The following NEGR1 variants were observed in gnomAD, a reference collection of about 807,000 sequenced individuals.
The protein encoded by NEGR1 is neuronal growth regulator 1, also known as IgLON family member 4.
NEGR1 carries 10 observed loss-of-function variants against 40.9 expected under a neutral mutation model. That is an observed-to-expected ratio of 0.24 (90% confidence interval 0.15 to 0.42). The LOEUF is 0.42. Among genes scored for constraint, NEGR1 ranks in the 10% least tolerant of loss-of-function variants. The pLI is 1.00. For synonymous variants in NEGR1, 185 were observed against 166.8 expected (o/e 1.11, Z -0.84); for missense variants, 352 against 438.9 (o/e 0.80, Z 1.77).
chr1:71,896,194 T>A (rs945933443), intron 2 of NEGR1, among the ~76,000 whole-genome samples: 4 of 151,974 alleles, frequency 2.6e-5, no homozygotes, highest in Admixed American at 1.3e-4. Context: ...CATGCCACCA[T>A]GCCTGGCTAA....
At chr1:71,800,034 G>A (rs1232974378) in intron 2 of NEGR1, among the ~76,000 whole-genome samples, 3 of 151,956 alleles carry the variant, frequency 2.0e-5, no homozygotes, top group African/African-American at 7.3e-5. Flanking sequence ...TTTAATGATC[G>A]CCATTGTAAT....
At chr1:72,184,695 G>A (rs368584613) in intron 1 of NEGR1, among the ~76,000 whole-genome samples, 1 of 152,012 alleles carries the variant, frequency 6.6e-6, no homozygotes, top group East Asian at 1.9e-4. Context: ...ATCCTGAAAT[G>A]TTTGGTTGAT....
chr1:72,000,561 A>C (rs895385279), intron 1 of NEGR1, among the ~76,000 whole-genome samples: 2 of 152,142 alleles, frequency 1.3e-5, no homozygotes, highest in African/African-American at 4.8e-5. Flanking sequence ...TTTAAAACAC[A>C]TTTTTCTATT....
chr1:71,996,486 C>T (rs1227423159), intron 1 of NEGR1, among the ~76,000 whole-genome samples: 5 of 152,074 alleles, frequency 3.3e-5, no homozygotes, highest in South Asian at 2.1e-4. Flanking sequence ...TATGACTTTA[C>T]TTTCTATGCC....
chr1:71,763,042 A>G (rs2101702262), intron 3 of NEGR1, among the ~76,000 whole-genome samples: 1 of 152,248 alleles, frequency 6.6e-6, no homozygotes, highest in South Asian at 2.1e-4. Context: ...GGGGTTAGGC[A>G]TGGTGCATGG....
At chr1:71,751,218 A>G (rs1418549411) in intron 3 of NEGR1, among the ~76,000 whole-genome samples, 2 of 152,124 alleles carry the variant, frequency 1.3e-5, no homozygotes, top group African/African-American at 4.8e-5. Flanking sequence ...ACTCTTAGCT[A>G]AGATCAGTAA....
chr1:71,748,938 C>T (rs1277158357), intron 3 of NEGR1, among the ~76,000 whole-genome samples: 1 of 152,022 alleles, frequency 6.6e-6, no homozygotes, highest in Non-Finnish European at 1.5e-5. Context: ...AACATTTCCA[C>T]AAGGAGAATG....
Position 71,543,959 on chromosome 1 carries a change from C to CT in NEGR1, c.940+48857dup, listed in dbSNP as rs536357884. 7.0e-4 allele frequency among the ~76,000 whole-genome samples: 105 copies of CT among 150,858 alleles called. No individual in the cohort carries two copies. The South Asian group carries it at 0.016, about 23-fold the overall frequency. ...TTTTAGGCCTTATATGAAGTCAAAACTTTTTTTTTAACATTATTTGTTTGT... is the reference window on the plus strand; with the variant it reads ...TTTTAGGCCTTATATGAAGTCAAAACTTTTTTTTTTAACATTATTTGTTTGT... On this transcript the variant is annotated intron_variant, in intron 6 of 6. Transcript: ENST00000357731.
intron 1 of NEGR1, among the ~76,000 whole-genome samples, chr1:72,117,342 C>A (rs1649621337): frequency 6.6e-6 from 1 of 151,696 alleles, no homozygotes; most frequent in Non-Finnish European, 1.5e-5. Context: ...TAAGCACAAG[C>A]CTCACTGGCT....
chr1:72,017,749 T>G (rs1646724310), intron 1 of NEGR1, among the ~76,000 whole-genome samples: 2 of 152,064 alleles, frequency 1.3e-5, no homozygotes, highest in Non-Finnish European at 2.9e-5. Flanking sequence ...TGAAACTACT[T>G]TGGAAAGTTG....
At chr1:71,524,580 G>A (rs1346646524) in intron 6 of NEGR1, among the ~76,000 whole-genome samples, 1 of 151,590 alleles carries the variant, frequency 6.6e-6, no homozygotes, top group Non-Finnish European at 1.5e-5. Flanking sequence ...AATATTAGAT[G>A]TAGAAAAAAG....
At chr1:72,112,586 A>G in intron 1 of NEGR1, among the ~76,000 whole-genome samples, 1 of 151,692 alleles carries the variant, frequency 6.6e-6, no homozygotes, top group East Asian at 1.9e-4. Flanking sequence ...AGCCAAATCT[A>G]TGTTGACTGA....
Position 71,438,989 on chromosome 1 carries a change from G to T in NEGR1, c.941-31419C>A, listed in dbSNP as rs116634121. On this transcript the variant is annotated intron_variant, in intron 6 of 6. Transcript: ENST00000357731. ...AAGCATATTCTTTTTGCCCTATTCT[G>T]ATCAGTAAATAACTGTTCACTATTC... Among the ~76,000 whole-genome samples, 676 of 152,182 alleles carry T rather than the reference G, an allele frequency of 4.4e-3. 5 individuals carry two copies. Among genetic ancestry groups the T allele is most frequent in the African/African-American group, 0.016 (654 of 41,514 alleles).
At chr1:71,936,863 C>T (rs766717854) in intron 1 of NEGR1, among the ~76,000 whole-genome samples, 6 of 152,134 alleles carry the variant, frequency 3.9e-5, no homozygotes, top group Non-Finnish European at 5.9e-5. Flanking sequence ...GGTCATATAC[C>T]AGTGATTTTG....
intron 3 of NEGR1, among the ~76,000 whole-genome samples, chr1:71,710,241 A>C (rs1473002270): frequency 6.6e-6 from 1 of 152,128 alleles, no homozygotes; most frequent in Non-Finnish European, 1.5e-5. Context: ...AATACTAGCA[A>C]GGATATGGAG....
chr1:72,001,877 A>C (rs866462801), intron 1 of NEGR1, among the ~76,000 whole-genome samples: 3 of 151,980 alleles, frequency 2.0e-5, no homozygotes, highest in African/African-American at 4.8e-5. Context: ...CATATCAAGA[A>C]AACTATCCTC....
intron 2 of NEGR1, among the ~76,000 whole-genome samples, chr1:71,913,476 G>T (rs1661481340): frequency 6.6e-6 from 1 of 152,120 alleles, no homozygotes; most frequent in Non-Finnish European, 1.5e-5. Flanking sequence ...GACAAGAAAA[G>T]AAGCCTGCAT....
At chr1:71,881,465 T>C (rs1412642499) in intron 2 of NEGR1, among the ~76,000 whole-genome samples, 1 of 152,072 alleles carries the variant, frequency 6.6e-6, no homozygotes, top group Non-Finnish European at 1.5e-5. Context: ...TTCAACTCAA[T>C]TAGGCTTTTG....
Position 72,050,006 on chromosome 1 carries a change from T to C in NEGR1, c.177-114695A>G, listed in dbSNP as rs76238673. On this transcript the variant is annotated intron_variant, in intron 1 of 6. Transcript: ENST00000357731. Reference sequence around the variant, plus strand: ...TGATTTGTAGTTGAAGTATTTCACATTGTGGTGTAGAAAAATGGCTGCTTA... The same window carrying C: ...TGATTTGTAGTTGAAGTATTTCACACTGTGGTGTAGAAAAATGGCTGCTTA... Among the ~76,000 whole-genome samples the C allele has an allele frequency of 5.8e-3, 880 of 151,656 alleles. 5 individuals carry two copies. The highest frequency in any genetic ancestry group is 0.02 in the African/African-American group (841 of 41,466).
Sources: allele counts gnomAD v4.1 joint callset (sites outside exome capture counted in the v4.1 genomes callset), GRCh38; gene constraint gnomAD v4.1.1; transcripts MANE v1.5; gene names NCBI Gene and HGNC (gene_info 2026-07-23, HGNC 2026-07-21).